Variants in COBL observed in about 807,000 individuals in gnomAD.
The protein encoded by COBL is protein cordon-bleu.
COBL carries 51 observed loss-of-function variants against 98.8 expected under a neutral mutation model. That is an observed-to-expected ratio of 0.52 (90% confidence interval 0.41 to 0.65). COBL has a LOEUF of 0.65. Among genes scored for constraint, COBL ranks in the 30% least tolerant of loss-of-function variants. The pLI, the probability that COBL is intolerant of heterozygous loss-of-function variation, is 0.00. For missense variants in COBL, 1,617 were observed against 1,617.5 expected, an observed-to-expected ratio of 1.00 and a Z score of 0.01; for synonymous variants, 634 against 651.7, an observed-to-expected ratio of 0.97 and a Z score of 0.41.
At chr7:51,165,445 C>T (rs984980748) in intron 5 of COBL, among the ~76,000 whole-genome samples, 15 of 151,966 alleles carry the variant, frequency 9.9e-5, no homozygotes, top group African/African-American at 3.6e-4. Flanking sequence ...GCACCAAACA[C>T]TGAAGCATCC....
rs542967933 is a variant in COBL, at chr7:51,194,866, G to GT, written c.246-1278dup. ...AACGTGCAGGTTTTTAATGGGTTTT[G>GT]TTTTTTTTTCTTGTAAATTTGTTTA... On this transcript the variant is annotated intron_variant, in intron 2 of 12. Coordinates refer to ENST00000265136, the MANE Select transcript of COBL (RefSeq NM_015198.5). Among the ~76,000 whole-genome samples the GT allele has an allele frequency of 9.4e-5, 14 of 149,586 alleles. 1 individual carries two copies. Among genetic ancestry groups the GT allele is most frequent in the East Asian group, 2.0e-4 (1 of 5,122 alleles).
intron 6 of COBL, among the ~76,000 whole-genome samples, chr7:51,116,645 T>A (rs936646357): frequency 6.6e-6 from 1 of 152,144 alleles, no homozygotes; most frequent in Admixed American, 6.5e-5. Flanking sequence ...TCTAGCTATG[T>A]ACCATTTCTG....
intron 2 of COBL, among the ~76,000 whole-genome samples, chr7:51,214,597 G>C (rs1792839780): frequency 1.3e-5 from 2 of 152,088 alleles, no homozygotes; most frequent in Non-Finnish European, 2.9e-5. Flanking sequence ...TCTGTGTCCA[G>C]ATTATAAGCA....
intron 2 of COBL, among the ~76,000 whole-genome samples, chr7:51,199,889 A>G (rs1356796082): frequency 6.6e-6 from 1 of 152,192 alleles, no homozygotes; most frequent in Non-Finnish European, 1.5e-5. Context: ...TCCCAACTCT[A>G]CAGAGGGAAG....
intron 6 of COBL, among the ~76,000 whole-genome samples, chr7:51,135,080 A>T (rs891295351): frequency 6.6e-6 from 1 of 151,990 alleles, no homozygotes; most frequent in Non-Finnish European, 1.5e-5. Context: ...CTCCTGCCTC[A>T]GCCTTCTGAG....
At chr7:51,158,483 C>CA (rs57805327) in intron 5 of COBL, among the ~76,000 whole-genome samples, 113,576 of 152,038 alleles carry the variant, frequency 0.75, 44,666 homozygotes, top group Non-Finnish European at 0.89. Context: ...ATTTAAGATG[C>CA]AGAAATCAAG....
intron 6 of COBL, among the ~76,000 whole-genome samples, chr7:51,088,023 C>T (rs1431124517): frequency 2.0e-5 from 3 of 151,572 alleles, no homozygotes; most frequent in South Asian, 2.1e-4. Context: ...CTGAGACACC[C>T]GGATCCAGAG....
intron 2 of COBL, among the ~76,000 whole-genome samples, chr7:51,211,749 CAAAG>C (rs1792455322): frequency 6.6e-6 from 1 of 152,038 alleles, no homozygotes; most frequent in Non-Finnish European, 1.5e-5. Context: ...GAATGTCAAA[CAAAG>C]AGTCAGGTAT....
intron 2 of COBL, among the ~76,000 whole-genome samples, chr7:51,216,965 C>T (rs1793106991): frequency 6.6e-6 from 1 of 152,210 alleles, no homozygotes; most frequent in Non-Finnish European, 1.5e-5. Context: ...AAAACCAATT[C>T]CCAAAGCAAG....
At chr7:51,235,610 T>A (rs1795187602) in intron 1 of COBL, among the ~76,000 whole-genome samples, 2 of 152,294 alleles carry the variant, frequency 1.3e-5, no homozygotes, top group South Asian at 2.1e-4. Context: ...GCCGCGGACA[T>A]CCCTGACCTT....
chr7:51,183,204 C>A (rs1346106326), intron 5 of COBL, among the ~76,000 whole-genome samples: 1 of 152,216 alleles, frequency 6.6e-6, no homozygotes, highest in Non-Finnish European at 1.5e-5. Flanking sequence ...CTGAGAAGGT[C>A]TGCACACAAA....
At chr7:51,156,921 C>T (rs964483486) in intron 5 of COBL, among the ~76,000 whole-genome samples, 4 of 152,186 alleles carry the variant, frequency 2.6e-5, no homozygotes, top group African/African-American at 4.8e-5. Flanking sequence ...CAGCTGCATC[C>T]GCAGCTTAGC....
chr7:51,292,090 T>C (rs979150992), intron 1 of COBL, among the ~76,000 whole-genome samples: 1 of 149,894 alleles, frequency 6.7e-6, no homozygotes, highest in Non-Finnish European at 1.5e-5. Flanking sequence ...GAGGCTGTAG[T>C]GAGCCGAGAT....
intron 12 of COBL, chr7:51,023,102 T>C (rs900325851): frequency 2.6e-5 from 4 of 152,174 alleles, no homozygotes; most frequent in African/African-American, 9.7e-5. Flanking sequence ...GTGGCTGTCA[T>C]GTGTGTGGGG....
chr7:51,188,054 C>T, intron 4 of COBL: 1 of 997,292 alleles, frequency 1.0e-6, no homozygotes. Flanking sequence ...CAGAGGGGGG[C>T]TGTCCTGCTG....
intron 1 of COBL, among the ~76,000 whole-genome samples, chr7:51,267,887 T>C (rs1028223941): frequency 4.6e-5 from 7 of 152,208 alleles, no homozygotes; most frequent in African/African-American, 1.7e-4. Flanking sequence ...AAAAGAACTT[T>C]GGAAAGAAAC....
At chr7:51,142,297 C>T (rs1799834532) in intron 5 of COBL, among the ~76,000 whole-genome samples, 1 of 151,942 alleles carries the variant, frequency 6.6e-6, no homozygotes, top group Non-Finnish European at 1.5e-5. Context: ...AACAAAATAC[C>T]GTGTCACACA....
At chr7:51,129,384 C>G (rs1302739059) in intron 6 of COBL, among the ~76,000 whole-genome samples, 2 of 151,940 alleles carry the variant, frequency 1.3e-5, no homozygotes, top group East Asian at 3.9e-4. Context: ...GTTCAACCCT[C>G]ATGACCTCAT....
chr7:51,164,306 T>C (rs973859815), intron 5 of COBL, among the ~76,000 whole-genome samples: 1 of 152,114 alleles, frequency 6.6e-6, no homozygotes, highest in Non-Finnish European at 1.5e-5. Context: ...ACCCAAATAC[T>C]ACTGCAAGGC....
Sources: allele counts gnomAD v4.1 joint callset (sites outside exome capture counted in the v4.1 genomes callset), GRCh38; gene constraint gnomAD v4.1.1; transcripts MANE v1.5; gene names NCBI Gene and HGNC (gene_info 2026-07-23, HGNC 2026-07-21).